Variants in GABRA1 observed in about 807,000 individuals in gnomAD.
The protein encoded by GABRA1 is gamma-aminobutyric acid receptor subunit alpha-1.
GABRA1 carries 9 observed loss-of-function variants against 48.9 expected under a neutral mutation model. That is an observed-to-expected ratio of 0.18 (90% confidence interval 0.11 to 0.32). GABRA1 has a LOEUF of 0.32. Among genes scored for constraint, GABRA1 ranks in the 10% least tolerant of loss-of-function variants. The pLI is 1.00. For synonymous variants in GABRA1, 210 were observed against 198.7 expected (o/e 1.06, Z -0.48); for missense variants, 285 against 553.8 (o/e 0.51, Z 4.87).
At position 161,882,609 on chromosome 5, in the gene GABRA1, G is replaced by A. The variant is rs777320447; in HGVS notation, c.611G>A (p.Arg204His). The change falls in exon 7 of 10, where the codon CGC (arginine) becomes CAC (histidine). Residue 204 changes from arginine to histidine, a missense_variant. Arg to His is a conservative substitution (Grantham distance 29). Transcript: ENST00000393943. ...VVYEWTREPA[R>H]SVVVAEDGSR... ...TATGAATGGACCAGAGAGCCAGCAC[G>A]CTCAGTGGTTGTAGCAGAAGATGGA... 12 of 1,613,394 alleles carry A rather than the reference G, an allele frequency of 7.4e-6. No individual in the cohort carries two copies. The highest frequency in any genetic ancestry group is 2.2e-5 in the East Asian group (1 of 44,858).
intron 4 of GABRA1, among the ~76,000 whole-genome samples, chr5:161,872,549 G>A (rs1298864841): frequency 6.6e-6 from 1 of 152,010 alleles, no homozygotes; most frequent in Admixed American, 6.6e-5. Flanking sequence ...TCTTTAATGT[G>A]TAGGATAATT....
At chr5:161,873,017 A>G (rs1392277586) in intron 4 of GABRA1, 100 bp from the exon 5 acceptor site, 2 of 856,818 alleles carry the variant, frequency 2.3e-6, no homozygotes, top group Non-Finnish European at 4.1e-6. Context: ...AGCTAACATT[A>G]TACTTCCAAA....
At chr5:161,862,673 A>G (rs1041069153) in intron 3 of GABRA1, among the ~76,000 whole-genome samples, 1 of 151,964 alleles carries the variant, frequency 6.6e-6, no homozygotes, top group Non-Finnish European at 1.5e-5. Flanking sequence ...AGTTTTACTC[A>G]TCATTGTATT....
intron 6 of GABRA1, among the ~76,000 whole-genome samples, chr5:161,880,093 A>T (rs187765791): frequency 6.6e-6 from 1 of 152,138 alleles, no homozygotes; most frequent in Non-Finnish European, 1.5e-5. Flanking sequence ...CACTTACAAA[A>T]CACAGTAAAG....
intron 2 of GABRA1, among the ~76,000 whole-genome samples, chr5:161,851,374 A>T (rs1177019118): frequency 6.6e-6 from 1 of 152,158 alleles, no homozygotes; most frequent in Non-Finnish European, 1.5e-5. Context: ...TGAAATTGTT[A>T]TCTATATAAC....
chr5:161,890,953 T>C lies in GABRA1; in HGVS notation c.759T>C (p.Phe253=). The C allele has an allele frequency of 2.5e-6, 4 of 1,613,572 alleles. No individual in the cohort carries two copies. The highest frequency in any genetic ancestry group is 3.4e-6 in the Non-Finnish European group (4 of 1,179,526). The change falls in exon 8 of 10, where the codon TTT becomes TTC. Residue 253 remains phenylalanine (F), a synonymous_variant. Coordinates refer to ENST00000393943, the MANE Select transcript of GABRA1 (RefSeq NM_001127644.2). ...HFHLKRKIGY[F]VIQTYLPCIM... ...ACTTGAAGAGAAAGATTGGCTACTTTGTTATTCAAACATACCTGCCATGCA... is the reference window on the plus strand; with the variant it reads ...ACTTGAAGAGAAAGATTGGCTACTTCGTTATTCAAACATACCTGCCATGCA...
At position 161,850,809 on chromosome 5, in the gene GABRA1, C is replaced by CGATGA; in HGVS notation, c.1_5dup. 6.2e-7 allele frequency: 1 copy of CGATGA among 1,613,944 alleles called. No homozygotes were observed. The highest frequency in any genetic ancestry group is 8.5e-7 in the Non-Finnish European group (1 of 1,179,856). On this transcript the variant is annotated 5_prime_UTR_variant, in exon 2 of 10. In the 5' UTR this introduces an upstream ATG that the reference lacks. Coordinates refer to ENST00000393943, the MANE Select transcript of GABRA1 (RefSeq NM_001127644.2). Reference sequence around the variant, plus strand: ...TCTACTTTTCAGCTGCTCCAGCCCGCGATGAGGAAAAGTCCAGGTCTGTCT... The same window carrying CGATGA: ...TCTACTTTTCAGCTGCTCCAGCCCGCGATGAGATGAGGAAAAGTCCAGGTCTGTCT...
At position 161,895,657 on chromosome 5, in the gene GABRA1, TC is replaced by T; in HGVS notation, c.857-8del. The T allele has an allele frequency of 6.2e-7, 1 of 1,611,770 alleles. No individual in the cohort carries two copies. On this transcript the variant is annotated splice_polypyrimidine_tract_variant and splice_region_variant and intron_variant, in intron 8 of 9. Coordinates refer to ENST00000393943, the MANE Select transcript of GABRA1 (RefSeq NM_001127644.2). ...CTGGCATCATGTATGTTTTTTTTTT[TC>T]TTTACAGGAGTAACAACTGTGCTCA...
intron 8 of GABRA1, among the ~76,000 whole-genome samples, chr5:161,895,028 GTA>G (rs35679403): frequency 8.0e-4 from 121 of 150,608 alleles, no homozygotes; most frequent in African/African-American, 2.6e-3. Flanking sequence ...ATATATATGT[GTA>G]TATATATATA....
intron 6 of GABRA1, 69 bp downstream of exon 6, chr5:161,875,711 G>A: frequency 8.6e-7 from 1 of 1,161,280 alleles, no homozygotes; most frequent in Non-Finnish European, 1.3e-6. Flanking sequence ...CTATATCTGT[G>A]AGAAAAACGC....
rs76725682 is a variant in GABRA1 at position 161,895,185 on chromosome 5, G to A, written c.857-481G>A. On this transcript the variant is annotated intron_variant, in intron 8 of 9. Coordinates refer to ENST00000393943, the MANE Select transcript of GABRA1 (RefSeq NM_001127644.2). ...AGTCAATAAAGTGGCAATTTTCCCC[G>A]AATAGTTCAATTATCTATAAATTAT... Among the ~76,000 whole-genome samples, 447 of 152,008 alleles carry A rather than the reference G, an allele frequency of 2.9e-3. 10 individuals carry two copies. In the East Asian group the frequency reaches 0.063, roughly 22 times the overall value.
At position 161,897,797 on chromosome 5, in the gene GABRA1, T is replaced by C. The variant is rs1329914270; in HGVS notation, c.*375T>C. 4 of 171,448 alleles carry C rather than the reference T, an allele frequency of 2.3e-5. No homozygotes were observed. The highest frequency in any genetic ancestry group is 3.7e-5 in the Non-Finnish European group (3 of 80,602). The allele number at this position is 171,448 out of a possible 1,614,324, so 10.6% of individuals were successfully genotyped here. ...CAAATATTCTAAAAAAGATACTGTA[T>C]ATGTCAAAAATATTTTTATGTGAAG... On this transcript the variant is annotated 3_prime_UTR_variant, in exon 10 of 10. Coordinates refer to ENST00000393943, the MANE Select transcript of GABRA1 (RefSeq NM_001127644.2).
In GABRA1 at chr5:161,850,895, T is replaced by C; in HGVS notation, c.74+11T>C. ...ACTGACTGGAAGAAGGTGGGGACACTTTTTTAAAAATCTGCATGAAAATTT... is the reference window on the plus strand; with the variant it reads ...ACTGACTGGAAGAAGGTGGGGACACCTTTTTAAAAATCTGCATGAAAATTT... On this transcript the variant is annotated intron_variant, in intron 2 of 9. Coordinates refer to ENST00000393943, the MANE Select transcript of GABRA1 (RefSeq NM_001127644.2). 1 of 1,608,810 alleles carries C rather than the reference T, an allele frequency of 6.2e-7. No individual in the cohort carries two copies. Among genetic ancestry groups the C allele is most frequent in the Non-Finnish European group, 8.5e-7 (1 of 1,175,264 alleles).
At position 161,899,740 on chromosome 5, in the gene GABRA1, G is replaced by C. The variant is rs1203035665; in HGVS notation, c.*2318G>C. 1 of 152,104 alleles carries C rather than the reference G, an allele frequency of 6.6e-6. No homozygotes were observed. The highest frequency in any genetic ancestry group is 2.4e-5 in the African/African-American group (1 of 41,436). The allele number at this position is 152,104 out of a possible 1,614,324, so 9.4% of individuals were successfully genotyped here. Reference sequence around the variant, plus strand: ...GAAAATAAAGATACACTCTTATAGGGGACAGTTCCTGTTCACTCCCAGGAA... The same window carrying C: ...GAAAATAAAGATACACTCTTATAGGCGACAGTTCCTGTTCACTCCCAGGAA... On this transcript the variant is annotated 3_prime_UTR_variant, in exon 10 of 10. Transcript: ENST00000393943.
intron 6 of GABRA1, among the ~76,000 whole-genome samples, chr5:161,878,251 G>A (rs1754451791): frequency 6.6e-6 from 1 of 152,148 alleles, no homozygotes; most frequent in African/African-American, 2.4e-5. Context: ...ACTAGACATT[G>A]AAGTGCAGGC....
At chr5:161,848,029 C>T (rs1202381445), upstream of GABRA1, 1 of 151,960 alleles carries the variant, frequency 6.6e-6, no homozygotes, top group African/African-American at 2.4e-5. Flanking sequence ...AATTGTGCTG[C>T]ATATAAAAAA....
At chr5:161,870,784 C>A (rs1476214437) in intron 4 of GABRA1, among the ~76,000 whole-genome samples, 1 of 152,098 alleles carries the variant, frequency 6.6e-6, no homozygotes, top group East Asian at 1.9e-4. Flanking sequence ...CCTGCTGCTA[C>A]CACAGCAATC....
chr5:161,889,239 GAAGA>G (rs1433680548), intron 7 of GABRA1, among the ~76,000 whole-genome samples: 1 of 151,990 alleles, frequency 6.6e-6, no homozygotes, highest in African/African-American at 2.4e-5. Flanking sequence ...GGAGAAGTGT[GAAGA>G]AAATGGAGAA....
chr5:161,868,795 G>T (rs1753986737), intron 4 of GABRA1, among the ~76,000 whole-genome samples: 1 of 152,118 alleles, frequency 6.6e-6, no homozygotes, highest in Non-Finnish European at 1.5e-5. Flanking sequence ...GATTAATTGT[G>T]ATTCCATAAA....
Sources: gnomAD v4.1 joint callset for allele counts (sites outside exome capture counted in the v4.1 genomes callset) on GRCh38, gnomAD v4.1.1 for gene constraint, MANE v1.5 for transcripts, NCBI Gene and HGNC (gene_info 2026-07-23, HGNC 2026-07-21) for gene names.